WDR87: variants seen among roughly 807,000 people sequenced by gnomAD.
WDR87 encodes WD repeat-containing protein 87.
In WDR87, 56 loss-of-function variants were observed where a neutral mutation model predicts 83.3. The ratio of observed to expected loss-of-function variants is 0.67; its 90% CI spans 0.54 to 0.84. The LOEUF (loss-of-function observed/expected upper bound fraction) is 0.84. Among genes scored for constraint, WDR87 ranks in the 40% least tolerant of loss-of-function variants. The pLI, the probability that WDR87 is intolerant of heterozygous loss-of-function variation, is 0.00. For missense variants in WDR87, 2,939 were observed against 3,431.9 expected (o/e 0.86, Z 3.59); for synonymous variants, 1,173 against 1,250.6 (o/e 0.94, Z 1.31).
Position 37,886,262 on chromosome 19 carries a change from C to T in WDR87, c.7409G>A (p.Gly2470Glu), listed in dbSNP as rs1442806506. ...TVVEIPRKFL[G>E]TMDKEREVMG... ...CACTTCTCTTTCTTTATCCATTGTCCCTAAGAATTTCCTGGGTATTTCAAC... is the reference window on the plus strand; with the variant it reads ...CACTTCTCTTTCTTTATCCATTGTCTCTAAGAATTTCCTGGGTATTTCAAC... The change falls in exon 6 of 6, where the codon GGG becomes GAG. Residue 2470 changes from glycine (G) to glutamate (E), a missense_variant. Gly to Glu is a moderately conservative substitution (Grantham distance 98, BLOSUM62 -2). Coordinates refer to ENST00000447313, the MANE Select transcript of WDR87 (RefSeq NM_001291088.2). The T allele has an allele frequency of 6.4e-7, 1 of 1,551,560 alleles. No homozygotes were observed. The highest frequency in any genetic ancestry group is 2.0e-5 in the Admixed American group (1 of 50,970).
At chr19:37,898,627 TGTG>T (rs1465002487) in intron 1 of WDR87, among the ~76,000 whole-genome samples, 4 of 152,108 alleles carry the variant, frequency 2.6e-5, no homozygotes, top group Non-Finnish European at 4.4e-5. Context: ...CTTCACATTT[TGTG>T]GTGTGTCCGG....
At position 37,893,699 on chromosome 19, in the gene WDR87, A is replaced by C; in HGVS notation, c.2004T>G (p.Ser668Arg). The C allele has an allele frequency of 3.2e-6, 5 of 1,551,802 alleles. No individual in the cohort carries two copies. Among genetic ancestry groups the C allele is most frequent in the Non-Finnish European group, 4.4e-6 (5 of 1,147,068 alleles). The change falls in exon 4 of 6, where the codon AGT (serine) becomes AGG (arginine). Residue 668 changes from serine to arginine, a missense_variant. This residue lies in a region of WDR87 where 553 missense variants were observed against 577.9 expected (regional missense o/e 0.96). Coordinates refer to ENST00000447313, the MANE Select transcript of WDR87 (RefSeq NM_001291088.2). Reference sequence around the variant, plus strand: ...ATTTTAAACAGGACACTAGGTAAAGACTCTGGTTAAAAGTCACAAGCAGGT... The same window carrying C: ...ATTTTAAACAGGACACTAGGTAAAGCCTCTGGTTAAAAGTCACAAGCAGGT... ...RGDLLVTFNQ[S>R]LYLVSCLKLL...
rs1033022476 is a variant in WDR87 at position 37,900,598 on chromosome 19, G to A, written c.-46-2313C>T. Among the ~76,000 whole-genome samples the A allele has an allele frequency of 3.5e-5, 5 of 143,322 alleles. 1 individual carries two copies. In the Admixed American group the frequency reaches 3.6e-4, roughly 10 times the overall value. The allele number at this position is 143,322 out of a possible 152,430, so 94.0% of individuals were successfully genotyped here. A position where few individuals can be genotyped will look rare whatever the true frequency, so the allele number is the denominator to read the frequency against. ...AAAAAAAGACCCAATCCACAGTTCAGGATTCTTCTACTATATCAGAGGAGG... is the reference window on the plus strand; with the variant it reads ...AAAAAAAGACCCAATCCACAGTTCAAGATTCTTCTACTATATCAGAGGAGG... On this transcript the variant is annotated intron_variant, in intron 1 of 5. Transcript: ENST00000447313.
Position 37,885,935 on chromosome 19 carries a change from T to C in WDR87, c.7736A>G (p.Gln2579Arg). The C allele has an allele frequency of 6.4e-7, 1 of 1,552,288 alleles. No individual in the cohort carries two copies. Among genetic ancestry groups the C allele is most frequent in the Non-Finnish European group, 8.7e-7 (1 of 1,147,120 alleles). ...TCTATGGAAACCATCCCTGGAAAGC[T>C]GTTCTCCCGCTTCCATTCGTTCTAG... ...HVLERMEAGEQLSRDGFHRLC... is the reference protein window; with the variant it reads ...HVLERMEAGERLSRDGFHRLC... The change falls in exon 6 of 6, where the codon CAG (glutamine) becomes CGG (arginine). Residue 2579 changes from glutamine to arginine, a missense_variant. Transcript: ENST00000447313.
Position 37,886,560 on chromosome 19 carries a change from A to AGC in WDR87, c.7109_7110dup (p.Ser2371AlafsTer14). 1 of 1,508,742 alleles carries AGC rather than the reference A, an allele frequency of 6.6e-7. No individual in the cohort carries two copies. The highest frequency in any genetic ancestry group is 1.7e-4 in the Middle Eastern group (1 of 5,782). The allele number at this position is 1,508,742 out of a possible 1,614,324, so 93.5% of individuals were successfully genotyped here. On this transcript the variant is annotated frameshift_variant, in exon 6 of 6. Coordinates refer to ENST00000447313, the MANE Select transcript of WDR87 (RefSeq NM_001291088.2). LOFTEE classifies it low-confidence loss of function (END_TRUNC). ...TCCCTGTCCACCTCTTCTTCCAATG[A>AGC]GCAGCTCTCCTCTTCCTCTTCCTCG... is the stretch of plus-strand genomic sequence containing the variant.
At chr19:37,903,818 C>A (rs959248421) in intron 1 of WDR87, among the ~76,000 whole-genome samples, 1 of 152,182 alleles carries the variant, frequency 6.6e-6, no homozygotes, top group Admixed American at 6.5e-5. Context: ...CAGGTGTCAG[C>A]CACCACACCC....
rs1023310809 is a variant in WDR87 at position 37,885,494 on chromosome 19, G to A, written c.8177C>T (p.Ala2726Val). 3 of 1,551,464 alleles carry A rather than the reference G, an allele frequency of 1.9e-6. No individual in the cohort carries two copies. Among genetic ancestry groups the A allele is most frequent in the Non-Finnish European group, 1.7e-6 (2 of 1,147,008 alleles). Residue 2726 changes from alanine to valine, a missense_variant, in exon 6 of 6, where the codon GCA (alanine) becomes GTA (valine). Physicochemically the swap from Ala to Val is moderately conservative, Grantham distance 64. This residue lies in a region of WDR87 where 2,160 missense variants were observed against 2,533.1 expected (regional missense o/e 0.85). Transcript: ENST00000447313. ...CCAGAAGTCCTTTTGAAACATCAGT[G>A]CCAGGGTTTGTTTTTCCACAGAGGC... ...AHASVEKQTL[A>V]LMFQKDFWDF...
chr19:37,898,663 G>A (rs2046274142), intron 1 of WDR87, among the ~76,000 whole-genome samples: 3 of 152,108 alleles, frequency 2.0e-5, no homozygotes, highest in Admixed American at 1.3e-4. Context: ...GAAGACTGTG[G>A]GTTCTCAAAG....
chr19:37,885,968 C>T lies in WDR87; in HGVS notation c.7703G>A (p.Arg2568His), dbSNP rs867478668. 1.9e-5 allele frequency: 29 copies of T among 1,552,018 alleles called. No individual in the cohort carries two copies. In the Admixed American group the frequency reaches 4.1e-4, roughly 22 times the overall value. ...CGCTTCCATTCGTTCTAGGACATGG[C>T]GGATCCACTCTACATCTGAGAGGCT... is the stretch of plus-strand genomic sequence containing the variant. The part of the protein sequence containing the change: ...DVSLSDVEWI[R>H]HVLERMEAGE... The change falls in exon 6 of 6, where the codon CGC becomes CAC. Residue 2568 changes from arginine (R) to histidine (H), a missense_variant. Arg to His is a conservative substitution (Grantham distance 29, BLOSUM62 0). Transcript: ENST00000447313.
chr19:37,888,308 A>G lies in WDR87; in HGVS notation c.5363T>C (p.Leu1788Pro). Residue 1788 changes from leucine to proline, a missense_variant, in exon 6 of 6, where the codon CTG becomes CCG. Transcript: ENST00000447313. ...GGCCAATGCCTCCTCTTCCTCAGCC[A>G]GTTTCTTCTTTTCCTCAACCAGTTT... ...EGKLVEEKKK[L>P]AEEEEALAWQ... 1 of 1,551,134 alleles carries G rather than the reference A, an allele frequency of 6.4e-7. No individual in the cohort carries two copies. The highest frequency in any genetic ancestry group is 8.7e-7 in the Non-Finnish European group (1 of 1,146,902).
chr19:37,894,002 G>C lies in WDR87; in HGVS notation c.1701C>G (p.Pro567=), dbSNP rs1442350245. The change falls in exon 4 of 6, where the codon CCC becomes CCG. Residue 567 remains proline, a synonymous_variant. Transcript: ENST00000447313. ...TCTCTGTGATGGCACCCACAGACTT[G>C]GGCAAGAGTATCAGATGTGTTAGGT... ...SCHLTHLILL[P]KSVGAITETN... is the part of the protein sequence containing the mutation. 7.1e-6 allele frequency: 11 copies of C among 1,551,756 alleles called. No individual in the cohort carries two copies. Among genetic ancestry groups the C allele is most frequent in the Non-Finnish European group, 9.6e-6 (11 of 1,147,048 alleles).
rs1409542401 is a variant in WDR87, at chr19:37,893,674, AT to A, written c.2028del (p.Lys676AsnfsTer8). The A allele has an allele frequency of 6.4e-7, 1 of 1,551,958 alleles. No homozygotes were observed. The highest frequency in any genetic ancestry group is 8.7e-7 in the Non-Finnish European group (1 of 1,147,112). The stretch of plus-strand genomic sequence containing the variant: ...CGAGTCAGCAGGGCTGGGGGAAGCA[AT>A]TTTAAACAGGACACTAGGTAAAGAC... ...NQSLYLVSCL[K>X]LLPPALLTRL... is the part of the protein sequence containing the mutation. On this transcript the variant is annotated frameshift_variant, in exon 4 of 6. Transcript: ENST00000447313. LOFTEE classifies it high-confidence loss of function.
chr19:37,904,615 A>G (rs968958354), intron 1 of WDR87, among the ~76,000 whole-genome samples: 16 of 152,050 alleles, frequency 1.1e-4, no homozygotes, highest in Admixed American at 7.9e-4. Context: ...CCACCTCCCA[A>G]AGTGCTGGGA....
chr19:37,894,001 T>G lies in WDR87; in HGVS notation c.1702A>C (p.Lys568Gln). Residue 568 changes from lysine (K) to glutamine (Q), a missense_variant, in exon 4 of 6, where the codon AAG (lysine) becomes CAG (glutamine). Physicochemically the swap from Lys to Gln is moderately conservative, Grantham distance 53 (BLOSUM62 1). Around this residue, in one of 3 missense-constraint regions of WDR87, gnomAD observed 553 missense variants for 577.9 expected, o/e 0.96. Transcript: ENST00000447313. Reference sequence around the variant, plus strand: ...GTCTCTGTGATGGCACCCACAGACTTGGGCAAGAGTATCAGATGTGTTAGG... The same window carrying G: ...GTCTCTGTGATGGCACCCACAGACTGGGGCAAGAGTATCAGATGTGTTAGG... ...CHLTHLILLPKSVGAITETNC... is the reference protein window; with the variant it reads ...CHLTHLILLPQSVGAITETNC... The G allele has an allele frequency of 6.4e-7, 1 of 1,551,796 alleles. No homozygotes were observed. The highest frequency in any genetic ancestry group is 8.7e-7 in the Non-Finnish European group (1 of 1,147,014).
chr19:37,905,937 CTT>C (rs1016612712), intron 1 of WDR87, among the ~76,000 whole-genome samples: 1 of 151,180 alleles, frequency 6.6e-6, no homozygotes, highest in African/African-American at 2.5e-5. Flanking sequence ...CTGGATTTCT[CTT>C]GTGTCTCCAT....
rs1360181597 is a variant in WDR87, at chr19:37,893,749, C to T, written c.1954G>A (p.Val652Ile). 1.3e-6 allele frequency: 2 copies of T among 1,551,568 alleles called. No individual in the cohort carries two copies. The highest frequency in any genetic ancestry group is 3.9e-5 in the Admixed American group (2 of 51,002). Residue 652 changes from valine (V) to isoleucine (I), a missense_variant, in exon 4 of 6, where the codon GTC becomes ATC. Physicochemically the swap from Val to Ile is conservative, Grantham distance 29. Transcript: ENST00000447313. ...TCACCCCGGTCATTTGCAAAACAGA[C>T]TGGGCCAAAGTGCAGTGATGAGTCC... ...ILDSSLHFGPVCFANDRGDLL... is the reference protein window; with the variant it reads ...ILDSSLHFGPICFANDRGDLL...
intron 1 of WDR87, among the ~76,000 whole-genome samples, chr19:37,903,505 G>T (rs551811150): frequency 2.6e-5 from 4 of 152,248 alleles, no homozygotes; most frequent in African/African-American, 9.6e-5. Flanking sequence ...AGGTTGTAAA[G>T]TAGTAACCAG....
chr19:37,893,913 T>G lies in WDR87; in HGVS notation c.1790A>C (p.Lys597Thr). The G allele has an allele frequency of 1.3e-6, 2 of 1,551,806 alleles. No individual in the cohort carries two copies. Among genetic ancestry groups the G allele is most frequent in the East Asian group, 4.9e-5 (2 of 40,916 alleles). Residue 597 changes from lysine (K) to threonine (T), a missense_variant, in exon 4 of 6, where the codon AAA becomes ACA. Lys to Thr is a moderately conservative substitution (Grantham distance 78). Transcript: ENST00000447313. ...GTGCAGAGGCAGTGTTTCTATGAAT[T>G]TCAAGCCATTCTGTGACCCAGAGGA... The part of the protein sequence containing the change: ...FLSSGSQNGL[K>T]FIETLPLHLC...
Position 37,894,194 on chromosome 19 carries a change from A to G in WDR87, c.1509T>C (p.Phe503=). The G allele has an allele frequency of 6.4e-7, 1 of 1,552,270 alleles. No individual in the cohort carries two copies. ...GCGTGGAGAGTGCCAGTACAGCGCCAAAGTGCATGAATTTTTCTAATCGAG... is the reference window on the plus strand; with the variant it reads ...GCGTGGAGAGTGCCAGTACAGCGCCGAAGTGCATGAATTTTTCTAATCGAG... ...SCARLEKFMH[F]GAVLALSTLS... is the part of the protein sequence containing the mutation. Residue 503 remains phenylalanine (F), a synonymous_variant, in exon 4 of 6, where the codon TTT becomes TTC. Coordinates refer to ENST00000447313, the MANE Select transcript of WDR87 (RefSeq NM_001291088.2).
Sources: allele counts gnomAD v4.1 joint callset (sites outside exome capture counted in the v4.1 genomes callset), GRCh38; gene constraint gnomAD v4.1.1; regional missense constraint gnomAD v4.1.1; transcripts MANE v1.5; gene names NCBI Gene and HGNC (gene_info 2026-07-23, HGNC 2026-07-21).